The following CHLSN variants were observed in gnomAD, a reference collection of about 807,000 sequenced individuals.
The protein encoded by CHLSN is protein cholesin.
chr7:1,090,466 G>T, the CHLSN span, among the ~76,000 whole-genome samples: 1 of 152,256 alleles, frequency 6.6e-6, no homozygotes, highest in Admixed American at 6.5e-5. Flanking sequence ...CAGGGCCAGG[G>T]TGACACGGGG....
the CHLSN span, among the ~76,000 whole-genome samples, chr7:1,044,957 C>T: frequency 2.0e-5 from 3 of 152,268 alleles, no homozygotes; most frequent in African/African-American, 7.2e-5. Context: ...TCTCCCATGT[C>T]CGACAGGGCA....
chr7:1,064,337 G>A, the CHLSN span, among the ~76,000 whole-genome samples: 1 of 152,080 alleles, frequency 6.6e-6, no homozygotes, highest in Non-Finnish European at 1.5e-5. Context: ...CTCCACTCTT[G>A]GAAGCAGATG....
the CHLSN span, among the ~76,000 whole-genome samples, chr7:1,039,221 G>A: frequency 2.7e-5 from 1 of 37,378 alleles, no homozygotes; most frequent in Non-Finnish European, 4.5e-5. Context: ...CAGCTGCCCC[G>A]TCCGGGAGGG....
the CHLSN span, among the ~76,000 whole-genome samples, chr7:1,136,591 T>C: frequency 2.1e-5 from 3 of 143,174 alleles, no homozygotes; most frequent in African/African-American, 7.7e-5. Flanking sequence ...TATAAACATA[T>C]ATAAACATAT....
the CHLSN span, among the ~76,000 whole-genome samples, chr7:1,032,701 G>A: frequency 6.6e-6 from 1 of 152,250 alleles, no homozygotes; most frequent in Admixed American, 6.5e-5. Context: ...GGCACCCTCA[G>A]GTGACAGTGG....
chr7:1,079,162 C>T, the CHLSN span, among the ~76,000 whole-genome samples: 1 of 152,208 alleles, frequency 6.6e-6, no homozygotes, highest in African/African-American at 2.4e-5. Context: ...ACGGGAGGAG[C>T]AGGAAGTCAA....
At chr7:1,017,771 G>A in the CHLSN span, among the ~76,000 whole-genome samples, 1 of 152,194 alleles carries the variant, frequency 6.6e-6, no homozygotes, top group South Asian at 2.1e-4. Context: ...GGGCAGCTGC[G>A]GACGGCAGGG....
the CHLSN span, among the ~76,000 whole-genome samples, chr7:1,079,490 T>C: frequency 2.6e-5 from 4 of 152,222 alleles, no homozygotes; most frequent in African/African-American, 9.7e-5. Flanking sequence ...GGGAGACGGT[T>C]TCGTGAGCTA....
the CHLSN span, among the ~76,000 whole-genome samples, chr7:1,061,436 A>G: frequency 2.0e-5 from 3 of 151,594 alleles, no homozygotes; most frequent in African/African-American, 7.3e-5. Flanking sequence ...CCTCATCCCC[A>G]GGTTCCCGCC....
chr7:1,053,591 G>T, the CHLSN span, among the ~76,000 whole-genome samples: 1 of 152,228 alleles, frequency 6.6e-6, no homozygotes, highest in Non-Finnish European at 1.5e-5. Context: ...ACTTTGGGAG[G>T]CCGAGGTGGG....
At chr7:1,033,076 A>G in the CHLSN span, among the ~76,000 whole-genome samples, 1 of 152,210 alleles carries the variant, frequency 6.6e-6, no homozygotes, top group Non-Finnish European at 1.5e-5. Context: ...ATACGAGGGA[A>G]CACAGCCCAG....
chr7:1,007,936 C>T, the CHLSN span, among the ~76,000 whole-genome samples: 11,147 of 152,156 alleles, frequency 0.073, 435 homozygotes, highest in Middle Eastern at 0.12. Flanking sequence ...GTGGCAGCCA[C>T]GTGGTGGAGC....
the CHLSN span, among the ~76,000 whole-genome samples, chr7:1,035,581 T>C: frequency 6.6e-6 from 1 of 152,076 alleles, no homozygotes; most frequent in Non-Finnish European, 1.5e-5. Flanking sequence ...CCCATGAAAA[T>C]AGCAGTGAGG....
At chr7:1,011,748 C>T in the CHLSN span, among the ~76,000 whole-genome samples, 2 of 151,866 alleles carry the variant, frequency 1.3e-5, no homozygotes, top group Admixed American at 6.5e-5. Flanking sequence ...AAACACCATA[C>T]ACACACGCCA....
chr7:1,092,484 C>A, the CHLSN span: 2 of 1,607,754 alleles, frequency 1.2e-6, no homozygotes, highest in South Asian at 2.2e-5. Flanking sequence ...GGCTGCGGCC[C>A]CGGCGGCAGA....
the CHLSN span, among the ~76,000 whole-genome samples, chr7:1,030,653 G>A: frequency 6.6e-6 from 1 of 152,174 alleles, no homozygotes; most frequent in Non-Finnish European, 1.5e-5. Flanking sequence ...GACCCATGAA[G>A]GCACACATAG....
the CHLSN span, among the ~76,000 whole-genome samples, chr7:1,136,086 TTATATAAATGTGTA>T: frequency 1.8e-5 from 2 of 114,066 alleles, no homozygotes; most frequent in Non-Finnish European, 3.2e-5. Context: ...ATATATAAAT[TTATATAAATGTGTA>T]TATAAATATA....
the CHLSN span, among the ~76,000 whole-genome samples, chr7:1,041,615 G>A: frequency 3.9e-5 from 6 of 152,166 alleles, no homozygotes; most frequent in African/African-American, 1.2e-4. Flanking sequence ...GTCAGGGTGC[G>A]CCTTATAATC....
chr7:1,026,776 C>T, the CHLSN span: 1 of 152,262 alleles, frequency 6.6e-6, no homozygotes, highest in Non-Finnish European at 1.5e-5. Flanking sequence ...TCCCGTAGTG[C>T]TCGAGAGGGC....
Sources: allele counts gnomAD v4.1 joint callset (sites outside exome capture counted in the v4.1 genomes callset), GRCh38; gene constraint gnomAD v4.1.1; transcripts MANE v1.5; gene names NCBI Gene and HGNC (gene_info 2026-07-23, HGNC 2026-07-21).